FAT3: variants seen among roughly 807,000 people sequenced by gnomAD.
FAT3 encodes the protein FAT atypical cadherin 3.
FAT3 carries 95 observed loss-of-function variants against 310.2 expected under a neutral mutation model. The observed-to-expected ratio is 0.31, with a 90% CI of 0.26 to 0.36. The LOEUF is 0.36. Among genes scored for constraint, FAT3 ranks in the 10% least tolerant of loss-of-function variants. The probability of loss-of-function intolerance (pLI) is 1.00; values close to 1 mark genes in which losing one functional copy is unlikely to be tolerated. For synonymous variants in FAT3, 2,314 were observed against 2,192.9 expected, an observed-to-expected ratio of 1.06 and a Z score of -1.54; for missense variants, 5,408 against 5,715.6, an observed-to-expected ratio of 0.95 and a Z score of 1.74.
At chr11:92,547,342 T>C (rs1189218523) in intron 3 of FAT3, among the ~76,000 whole-genome samples, 1 of 152,168 alleles carries the variant, frequency 6.6e-6, no homozygotes, top group Non-Finnish European at 1.5e-5. Context: ...TACATGTTAG[T>C]TCAAATTGAA....
chr11:92,624,349 T>G (rs956603114), intron 3 of FAT3, among the ~76,000 whole-genome samples: 1 of 152,110 alleles, frequency 6.6e-6, no homozygotes, highest in Admixed American at 6.6e-5. Flanking sequence ...GTTGGAACCA[T>G]GGATTTGACA....
In FAT3 at chr11:92,832,491, T is replaced by C. The variant is rs202219522; in HGVS notation, c.9871+480T>C. On this transcript the variant is annotated intron_variant, in intron 14 of 27. Coordinates refer to ENST00000525166, the MANE Select transcript of FAT3 (RefSeq NM_001367949.2). ...CAGGGCCCACATTCAGACCACAGAG[T>C]GCCCTCCAGCTTCTAAAGATGGCTC... 6.6e-5 allele frequency among the ~76,000 whole-genome samples: 10 copies of C among 152,030 alleles called. No homozygotes were observed. In the East Asian group the frequency reaches 1.9e-3, roughly 30 times the overall value.
intron 2 of FAT3, among the ~76,000 whole-genome samples, chr11:92,409,789 G>C (rs952080488): frequency 2.0e-5 from 3 of 152,108 alleles, no homozygotes; most frequent in African/African-American, 7.2e-5. Flanking sequence ...GTTGTTTCTT[G>C]TTGTTCCTAG....
chr11:92,312,372 G>C (rs1166531830), intron 1 of FAT3, among the ~76,000 whole-genome samples: 4 of 152,146 alleles, frequency 2.6e-5, no homozygotes, highest in Admixed American at 1.3e-4. Flanking sequence ...AGTTGAATTT[G>C]GAGAAGGGAA....
At position 92,881,563 on chromosome 11, in the gene FAT3, A is replaced by G. The variant is rs184314078; in HGVS notation, c.12281+679A>G. 7.2e-5 allele frequency among the ~76,000 whole-genome samples: 11 copies of G among 152,308 alleles called. 1 individual carries two copies. In the East Asian group the frequency reaches 2.1e-3, roughly 29 times the overall value. On this transcript the variant is annotated intron_variant, in intron 23 of 27. Coordinates refer to ENST00000525166, the MANE Select transcript of FAT3 (RefSeq NM_001367949.2). ...AATTTAAAGTAATAAAGCGGCATTT[A>G]TTTTTAAATACTCTGTGATTCTGAC...
chr11:92,470,143 A>G (rs1951869823), intron 2 of FAT3, among the ~76,000 whole-genome samples: 1 of 152,214 alleles, frequency 6.6e-6, no homozygotes, highest in Non-Finnish European at 1.5e-5. Context: ...TGAGAGATTT[A>G]TTGCCCGAGG....
chr11:92,708,920 G>T (rs1259399432), intron 4 of FAT3, among the ~76,000 whole-genome samples: 1 of 152,176 alleles, frequency 6.6e-6, no homozygotes, highest in Non-Finnish European at 1.5e-5. Flanking sequence ...TCAACCGTGG[G>T]TCTGGCATGG....
Position 92,887,119 on chromosome 11 carries a change from A to G in FAT3, c.13051+6A>G. 6.2e-7 allele frequency: 1 copy of G among 1,604,606 alleles called. No individual in the cohort carries two copies. Among genetic ancestry groups the G allele is most frequent in the Non-Finnish European group, 8.5e-7 (1 of 1,175,470 alleles). ...AGATTCTGGTGACGACAATGGTAAGAAGTCATCAGATTTGTTCGGAGCGGG... is the reference window on the plus strand; with the variant it reads ...AGATTCTGGTGACGACAATGGTAAGGAGTCATCAGATTTGTTCGGAGCGGG... On this transcript the variant is annotated splice_donor_region_variant and intron_variant, in intron 25 of 27. Coordinates refer to ENST00000525166, the MANE Select transcript of FAT3 (RefSeq NM_001367949.2).
At chr11:92,227,094 C>A (rs1337096770) in intron 1 of FAT3, among the ~76,000 whole-genome samples, 1 of 152,208 alleles carries the variant, frequency 6.6e-6, no homozygotes, top group Non-Finnish European at 1.5e-5. Flanking sequence ...ACGCGCCCAC[C>A]CGGGGCTTGA....
intron 2 of FAT3, among the ~76,000 whole-genome samples, chr11:92,458,198 C>G (rs1385453544): frequency 2.0e-5 from 3 of 152,104 alleles, no homozygotes; most frequent in Non-Finnish European, 4.4e-5. Context: ...AATATTTTAT[C>G]TAATGGAATT....
chr11:92,621,937 A>T (rs1268946075), intron 3 of FAT3, among the ~76,000 whole-genome samples: 1 of 152,196 alleles, frequency 6.6e-6, no homozygotes, highest in Non-Finnish European at 1.5e-5. Flanking sequence ...TCAGGAATCT[A>T]CATTTTAACA....
intron 22 of FAT3, among the ~76,000 whole-genome samples, chr11:92,873,937 C>A (rs1279193753): frequency 1.3e-5 from 2 of 152,208 alleles, no homozygotes; most frequent in Admixed American, 6.5e-5. Flanking sequence ...TGTGTAACCT[C>A]GTGAAACCCA....
chr11:92,230,278 T>C (rs530330907), intron 1 of FAT3, among the ~76,000 whole-genome samples: 1 of 152,272 alleles, frequency 6.6e-6, no homozygotes, highest in South Asian at 2.1e-4. Context: ...TCTCCTCTAT[T>C]TTCCCTATTT....
intron 2 of FAT3, among the ~76,000 whole-genome samples, chr11:92,433,165 T>C (rs572153447): frequency 1.6e-4 from 24 of 152,306 alleles, no homozygotes; most frequent in Admixed American, 1.6e-3. Flanking sequence ...TCTTAGTTTG[T>C]TGGCCCCATG....
chr11:92,766,345 A>G (rs1417329897), intron 6 of FAT3, among the ~76,000 whole-genome samples: 2 of 152,150 alleles, frequency 1.3e-5, no homozygotes, highest in Non-Finnish European at 2.9e-5. Context: ...GAGGCAGGGG[A>G]TCCAGGAGAG....
At chr11:92,853,875 T>C (rs1332626948) in intron 19 of FAT3, among the ~76,000 whole-genome samples, 1 of 152,118 alleles carries the variant, frequency 6.6e-6, no homozygotes. Flanking sequence ...CTCACTCCAG[T>C]CTGTGGAATA....
At chr11:92,475,861 T>C (rs993699078) in intron 2 of FAT3, among the ~76,000 whole-genome samples, 2 of 152,196 alleles carry the variant, frequency 1.3e-5, no homozygotes, top group African/African-American at 4.8e-5. Context: ...AGGGAGTCAC[T>C]TCCATACAAA....
intron 3 of FAT3, among the ~76,000 whole-genome samples, chr11:92,532,707 A>G (rs138792467): frequency 5.3e-5 from 8 of 152,334 alleles, no homozygotes; most frequent in Non-Finnish European, 1.0e-4. Context: ...TCCAGAAAAC[A>G]TCATGAAGGG....
Position 92,675,203 on chromosome 11 carries a change from A to G in FAT3, c.3608-22181A>G, listed in dbSNP as rs188297236. On this transcript the variant is annotated intron_variant, in intron 3 of 27. Coordinates refer to ENST00000525166, the MANE Select transcript of FAT3 (RefSeq NM_001367949.2). ...TCTGTTTGCTCTACCAAGAAGCCAA[A>G]CTAACAGTGAGAAAAACTTGTCTTC... is the stretch of plus-strand genomic sequence containing the variant. Among the ~76,000 whole-genome samples the G allele has an allele frequency of 2.2e-4, 33 of 152,306 alleles. No homozygotes were observed. The East Asian group carries it at 6.2e-3, about 29-fold the overall frequency.
Sources: gnomAD v4.1 joint callset for allele counts (sites outside exome capture counted in the v4.1 genomes callset) on GRCh38, gnomAD v4.1.1 for gene constraint, MANE v1.5 for transcripts, NCBI Gene and HGNC (gene_info 2026-07-23, HGNC 2026-07-21) for gene names.